MINDY4: variants seen among roughly 807,000 people sequenced by gnomAD.
The protein encoded by MINDY4 is probable ubiquitin carboxyl-terminal hydrolase MINDY-4.
Under a neutral mutation model 87.0 loss-of-function variants are expected in MINDY4, and 68 were observed. That is an observed-to-expected ratio of 0.78 (90% CI 0.64 to 0.96). The LOEUF is 0.96. MINDY4 is among the 40% of genes least tolerant of loss of function. MINDY4 has a pLI of 0.00. For missense variants in MINDY4, 919 were observed against 928.2 expected, an observed-to-expected ratio of 0.99 and a Z score of 0.13; for synonymous variants, 379 against 363.2, an observed-to-expected ratio of 1.04 and a Z score of -0.50.
chr7:30,777,933 TG>T (rs1408775856), intron 1 of MINDY4, among the ~76,000 whole-genome samples: 1 of 152,202 alleles, frequency 6.6e-6, no homozygotes, highest in Non-Finnish European at 1.5e-5. Context: ...AAAGTGGCTT[TG>T]CTCATGACTT....
At position 30,840,264 on chromosome 7, in the gene MINDY4, G is replaced by A. The variant is rs112464660; in HGVS notation, c.1357-496G>A. ...GAAAGGACAAAGATACACCTAATGT[G>A]GTGCTGAAGCAGGCCACAAGTGGGG... On this transcript the variant is annotated intron_variant, in intron 8 of 17. Coordinates refer to ENST00000265299, the MANE Select transcript of MINDY4 (RefSeq NM_032222.3). 8.6e-3 allele frequency among the ~76,000 whole-genome samples: 1,309 copies of A among 152,300 alleles called. 27 individuals are homozygous for A. The highest frequency in any genetic ancestry group is 0.03 in the African/African-American group (1,259 of 41,550).
intron 9 of MINDY4, among the ~76,000 whole-genome samples, chr7:30,848,498 A>G (rs12665880): frequency 0.03 from 4,493 of 152,286 alleles, 115 homozygotes; most frequent in East Asian, 0.11. Flanking sequence ...GGGGTGATGG[A>G]GTCACATTTG....
intron 7 of MINDY4, 29 bp downstream of exon 7, chr7:30,836,793 T>G: frequency 6.4e-7 from 1 of 1,556,192 alleles, no homozygotes; most frequent in East Asian, 2.2e-5. Flanking sequence ...CTGGGTTAAA[T>G]GTGTCTTGAT....
intron 17 of MINDY4, among the ~76,000 whole-genome samples, chr7:30,889,244 A>C (rs1204819498): frequency 6.6e-6 from 1 of 152,218 alleles, no homozygotes; most frequent in Non-Finnish European, 1.5e-5. Flanking sequence ...TGAACAGAAC[A>C]AGAAAATTGA....
chr7:30,796,472 A>G (rs144235389), intron 5 of MINDY4, among the ~76,000 whole-genome samples: 12 of 152,334 alleles, frequency 7.9e-5, no homozygotes, highest in African/African-American at 2.9e-4. Flanking sequence ...TAGTCCATGC[A>G]ATTGAAGTCT....
intron 13 of MINDY4, among the ~76,000 whole-genome samples, chr7:30,860,958 T>C (rs867241074): frequency 5.0e-4 from 76 of 152,166 alleles, no homozygotes; most frequent in Admixed American, 2.2e-3. Flanking sequence ...AAGACAAACA[T>C]GGATACACAC....
chr7:30,872,141 T>C, intron 13 of MINDY4, 102 bp from the exon 14 acceptor site: 1 of 1,090,082 alleles, frequency 9.2e-7, no homozygotes, highest in South Asian at 1.4e-5. Flanking sequence ...TCTGGAATTC[T>C]GGGTCTTAGC....
intron 9 of MINDY4, among the ~76,000 whole-genome samples, chr7:30,848,267 C>T (rs189204426): frequency 6.6e-6 from 1 of 152,274 alleles, no homozygotes; most frequent in East Asian, 1.9e-4. Context: ...AAGACACGCC[C>T]CCACCCCCAC....
intron 14 of MINDY4, among the ~76,000 whole-genome samples, chr7:30,873,588 G>A (rs546620205): frequency 1.3e-5 from 2 of 152,310 alleles, no homozygotes; most frequent in East Asian, 1.9e-4. Flanking sequence ...AGGCTCCCCA[G>A]GGAGGGCGAT....
intron 5 of MINDY4, among the ~76,000 whole-genome samples, chr7:30,815,360 G>A (rs539416599): frequency 2.0e-5 from 3 of 152,346 alleles, no homozygotes; most frequent in Non-Finnish European, 4.4e-5. Flanking sequence ...AGGCTGGGCT[G>A]CCAGGAAGCC....
rs1037523694 is a variant in MINDY4, at chr7:30,807,695, T to C, written c.1073+16121T>C. On this transcript the variant is annotated intron_variant, in intron 5 of 17. Transcript: ENST00000265299. ...CCCTGACCTAATCAGTTATGTTATC[T>C]ATACATTACAGACATTGTATAGAAA... Among the ~76,000 whole-genome samples, 9 of 152,346 alleles carry C rather than the reference T, an allele frequency of 5.9e-5. No homozygotes were observed. The South Asian group carries it at 8.3e-4, about 14-fold the overall frequency.
At chr7:30,891,392 G>A (rs934675267) in intron 17 of MINDY4, among the ~76,000 whole-genome samples, 35 of 149,588 alleles carry the variant, frequency 2.3e-4, no homozygotes, top group Non-Finnish European at 2.5e-4. Flanking sequence ...GTTATACTCC[G>A]TGCTTCTTCA....
At chr7:30,870,348 G>A (rs906578638) in intron 13 of MINDY4, among the ~76,000 whole-genome samples, 1 of 152,214 alleles carries the variant, frequency 6.6e-6, no homozygotes, top group Non-Finnish European at 1.5e-5. Flanking sequence ...TTCAGAAGAT[G>A]CTTGTATATG....
intron 14 of MINDY4, 74 bp downstream of exon 14, chr7:30,872,380 C>T: frequency 2.2e-6 from 3 of 1,376,260 alleles, no homozygotes; most frequent in Admixed American, 1.8e-5. Flanking sequence ...GTCCTCCTCC[C>T]TCCTCTTGCC....
At position 30,859,271 on chromosome 7, in the gene MINDY4, C is replaced by T. The variant is rs1274684700; in HGVS notation, c.1692C>T (p.Pro564=). Residue 564 remains proline (P), a synonymous_variant, in exon 13 of 18, where the codon CCC becomes CCT. Transcript: ENST00000265299. ...QQSIHQFEVG[P]YGCILLTLSA... ...CCCCCTCCCAGTTTGAAGTGGGCCC[C>T]TATGGCTGCATCCTGCTCACCCTTT... is the stretch of plus-strand genomic sequence containing the variant. The T allele has an allele frequency of 3.1e-6, 5 of 1,614,020 alleles. No homozygotes were observed. Among genetic ancestry groups the T allele is most frequent in the Non-Finnish European group, 4.2e-6 (5 of 1,180,034 alleles).
chr7:30,853,338 G>A, intron 11 of MINDY4, 56 bp from the exon 12 acceptor site: 1 of 1,449,780 alleles, frequency 6.9e-7, no homozygotes, highest in Non-Finnish European at 9.6e-7. Context: ...GCTAATTCAG[G>A]ATGGGGCACT....
chr7:30,884,701 G>A (rs754739957), intron 17 of MINDY4, among the ~76,000 whole-genome samples: 3 of 152,218 alleles, frequency 2.0e-5, no homozygotes, highest in Non-Finnish European at 2.9e-5. Context: ...CTCTTCTGGA[G>A]TAACTCCTTT....
chr7:30,837,145 G>A (rs953254324), intron 7 of MINDY4, among the ~76,000 whole-genome samples: 3 of 152,160 alleles, frequency 2.0e-5, no homozygotes, highest in African/African-American at 7.2e-5. Context: ...TTGCAGTGAA[G>A]GAAGGACAGG....
intron 5 of MINDY4, among the ~76,000 whole-genome samples, chr7:30,822,716 T>C (rs1216957820): frequency 6.6e-6 from 1 of 151,856 alleles, no homozygotes; most frequent in African/African-American, 2.4e-5. Context: ...CTCACTGCAG[T>C]CTTGACTTCC....
Sources: allele counts gnomAD v4.1 joint callset (sites outside exome capture counted in the v4.1 genomes callset), GRCh38; gene constraint gnomAD v4.1.1; transcripts MANE v1.5; gene names NCBI Gene and HGNC (gene_info 2026-07-23, HGNC 2026-07-21).